VPS13D: variants seen among roughly 807,000 people sequenced by gnomAD.
The protein encoded by VPS13D is intermembrane lipid transfer protein VPS13D.
In VPS13D, 187 loss-of-function variants were observed where a neutral mutation model predicts 461.9. That is an observed-to-expected ratio of 0.40 (90% confidence interval 0.36 to 0.46). The LOEUF (loss-of-function observed/expected upper bound fraction) is 0.46, where lower values mean the gene tolerates loss of function less well. Ranked by LOEUF, VPS13D falls within the 20% of genes least tolerant of loss-of-function variation. The probability of loss-of-function intolerance (pLI) is 0.60; values close to 1 mark genes in which losing one functional copy is unlikely to be tolerated. For missense variants in VPS13D, 4,711 were observed against 5,364.9 expected, an observed-to-expected ratio of 0.88 and a Z score of 3.81; for synonymous variants, 1,951 against 1,986.3, an observed-to-expected ratio of 0.98 and a Z score of 0.47.
At position 12,271,451 on chromosome 1, in the gene VPS13D, T is replaced by C. The variant is rs561111496; in HGVS notation, c.2103+327T>C. On this transcript the variant is annotated intron_variant, in intron 17 of 69. Coordinates refer to ENST00000620676, the MANE Select transcript of VPS13D (RefSeq NM_015378.4). Reference sequence around the variant, plus strand: ...TGGGAGGCTGAGGTGGGCAGATCACTTGAGGTCAGGAGTTCGAGACCAGCC... The same window carrying C: ...TGGGAGGCTGAGGTGGGCAGATCACCTGAGGTCAGGAGTTCGAGACCAGCC... Among the ~76,000 whole-genome samples, 4 of 152,146 alleles carry C rather than the reference T, an allele frequency of 2.6e-5. No individual in the cohort carries two copies. In the East Asian group the frequency reaches 5.8e-4, roughly 22 times the overall value.
rs918325185 is a variant in VPS13D at position 12,279,836 on chromosome 1, C to G, written c.4602+186C>G. On this transcript the variant is annotated intron_variant, in intron 20 of 69. Coordinates refer to ENST00000620676, the MANE Select transcript of VPS13D (RefSeq NM_015378.4). This position sits in a 1 kb window ranked among gnomAD's most constrained non-coding sequence, Gnocchi z 4.3. The stretch of plus-strand genomic sequence containing the variant: ...AATCCTTTTGTCATGGGGAATCCGT[C>G]TTGTCAGCCTTTTTCATATGGAGGA... 3.3e-5 allele frequency among the ~76,000 whole-genome samples: 5 copies of G among 152,048 alleles called. No homozygotes were observed. Among genetic ancestry groups the G allele is most frequent in the Admixed American group, 6.6e-5 (1 of 15,264 alleles).
At chr1:12,338,712 A>G (rs1346335991) in intron 40 of VPS13D, among the ~76,000 whole-genome samples, 1 of 152,240 alleles carries the variant, frequency 6.6e-6, no homozygotes, top group African/African-American at 2.4e-5. Flanking sequence ...GCTCTGCAAC[A>G]GGCACTATAA....
chr1:12,383,277 C>G (rs932691541), intron 58 of VPS13D, 122 bp downstream of exon 58: 4 of 1,025,694 alleles, frequency 3.9e-6, no homozygotes, highest in Non-Finnish European at 5.4e-6. Flanking sequence ...GTATCTTCAT[C>G]TGTAAAATGG....
In VPS13D at chr1:12,494,599, A is replaced by G. The variant is rs75339698; in HGVS notation, c.12663-2901A>G. ...TTCCTCGGATCCACCAGAGGCATTT[A>G]GGACTTCAGCAAGTTTTCTCCTGCC... On this transcript the variant is annotated intron_variant, in intron 67 of 69. Transcript: ENST00000620676. Among the ~76,000 whole-genome samples, 944 of 152,292 alleles carry G rather than the reference A, an allele frequency of 6.2e-3. 10 individuals carry two copies. Among genetic ancestry groups the G allele is most frequent in the African/African-American group, 0.02 (845 of 41,552 alleles).
chr1:12,292,484 G>A (rs1184896900), intron 23 of VPS13D, among the ~76,000 whole-genome samples: 1 of 127,934 alleles, frequency 7.8e-6, no homozygotes, highest in African/African-American at 3.0e-5. Context: ...CTGTCACCCA[G>A]ACTGGAGTGC....
chr1:12,276,393 C>T lies in VPS13D; in HGVS notation c.2805C>T (p.Thr935=), dbSNP rs1641612710. Residue 935 remains threonine (T), a synonymous_variant, in exon 19 of 70, where the codon ACC becomes ACT. Transcript: ENST00000620676. The surrounding 1 kb of genome is among the most constrained non-coding windows in gnomAD (Gnocchi z 4.5). ...GSLQDSVMNL[T]QSIVLLEQHT... Reference sequence around the variant, plus strand: ...TGCAAGACTCCGTAATGAATTTAACCCAGAGCATTGTGTTGTTGGAGCAGC... The same window carrying T: ...TGCAAGACTCCGTAATGAATTTAACTCAGAGCATTGTGTTGTTGGAGCAGC... 1.9e-6 allele frequency: 3 copies of T among 1,614,146 alleles called. No homozygotes were observed. The South Asian group carries it at 3.3e-5, about 18-fold the overall frequency.
intron 34 of VPS13D, 151 bp from the exon 35 acceptor site, chr1:12,323,555 A>G: frequency 1.5e-6 from 1 of 672,200 alleles, no homozygotes; most frequent in Non-Finnish European, 2.5e-6. Flanking sequence ...TACACTTGAT[A>G]GAATTCTCCA....
Position 12,256,869 on chromosome 1 carries a change from A to G in VPS13D, c.841-118A>G, listed in dbSNP as rs1202624736. 4.6e-6 allele frequency: 5 copies of G among 1,082,738 alleles called. No homozygotes were observed. The African/African-American group carries it at 7.9e-5, about 17-fold the overall frequency. 67.1% of individuals were successfully genotyped at this position (1,082,738 alleles called of 1,614,324 possible). A position where few individuals can be genotyped will look rare whatever the true frequency, so the allele number is the denominator to read the frequency against. Reference sequence around the variant, plus strand: ...CTGATATTTTGGTCTTTCAGTTTGCACTGGGTTTCAATTCAGTGGATCAAC... The same window carrying G: ...CTGATATTTTGGTCTTTCAGTTTGCGCTGGGTTTCAATTCAGTGGATCAAC... On this transcript the variant is annotated intron_variant, in intron 8 of 69. Coordinates refer to ENST00000620676, the MANE Select transcript of VPS13D (RefSeq NM_015378.4).
At position 12,495,218 on chromosome 1, in the gene VPS13D, C is replaced by T. The variant is rs916381861; in HGVS notation, c.12663-2282C>T. On this transcript the variant is annotated intron_variant, in intron 67 of 69. Transcript: ENST00000620676. This position sits in a 1 kb window ranked among gnomAD's most constrained non-coding sequence, Gnocchi z 4.0. Reference sequence around the variant, plus strand: ...AGGCTGGAGTGCAGTGGCAGGATCTCGGCTCACTGCAAGCTCCGCCTCCCA... The same window carrying T: ...AGGCTGGAGTGCAGTGGCAGGATCTTGGCTCACTGCAAGCTCCGCCTCCCA... 2.0e-5 allele frequency among the ~76,000 whole-genome samples: 3 copies of T among 149,550 alleles called. No individual in the cohort carries two copies. The highest frequency in any genetic ancestry group is 7.5e-5 in the African/African-American group (3 of 40,258).
intron 20 of VPS13D, among the ~76,000 whole-genome samples, chr1:12,281,579 G>C (rs1451709971): frequency 6.6e-6 from 1 of 152,148 alleles, no homozygotes; most frequent in Admixed American, 6.5e-5. Flanking sequence ...GTAGACTTCA[G>C]GTAGGTGGTG....
chr1:12,333,463 T>G (rs1477893678), intron 38 of VPS13D, 97 bp downstream of exon 38: 1 of 1,441,720 alleles, frequency 6.9e-7, no homozygotes, highest in Non-Finnish European at 9.4e-7. Context: ...TACCTGGGCC[T>G]GTACCAGGCA....
intron 57 of VPS13D, among the ~76,000 whole-genome samples, chr1:12,381,697 C>T (rs1426681608): frequency 2.0e-5 from 3 of 152,190 alleles, no homozygotes; most frequent in Admixed American, 2.0e-4. Context: ...AGGCAGACGC[C>T]AACCTGTAAC....
At chr1:12,459,482 CTTT>C (rs869264869) in intron 66 of VPS13D, among the ~76,000 whole-genome samples, 5 of 131,328 alleles carry the variant, frequency 3.8e-5, no homozygotes, top group African/African-American at 5.6e-5. Context: ...CTTTTCTTTT[CTTT>C]TTTTTTTTTT....
intron 60 of VPS13D, among the ~76,000 whole-genome samples, chr1:12,396,516 G>T (rs1644501286): frequency 6.6e-6 from 1 of 152,100 alleles, no homozygotes; most frequent in Non-Finnish European, 1.5e-5. Flanking sequence ...CTTCATCAAA[G>T]TTTAAATATG....
chr1:12,390,480 G>C (rs766343392), intron 60 of VPS13D, among the ~76,000 whole-genome samples: 5 of 152,164 alleles, frequency 3.3e-5, no homozygotes, highest in Non-Finnish European at 5.9e-5. Flanking sequence ...GAGTGCCTTG[G>C]TCAGAGGCAA....
rs140773267 is a variant in VPS13D at position 12,322,719 on chromosome 1, A to G, written c.7888A>G (p.Thr2630Ala). 1.2e-6 allele frequency: 2 copies of G among 1,614,198 alleles called. No homozygotes were observed. The highest frequency in any genetic ancestry group is 1.1e-5 in the South Asian group (1 of 91,080). Reference protein sequence around the residue: ...SRVGEEIREGTRHTLDPVLEL... With the variant: ...SRVGEEIREGARHTLDPVLEL... ...CGTTGGAGAGGAAATCAGAGAAGGGACAAGACACACCTTAGATCCTGTCTT... is the reference window on the plus strand; with the variant it reads ...CGTTGGAGAGGAAATCAGAGAAGGGGCAAGACACACCTTAGATCCTGTCTT... The change falls in exon 34 of 70, where the codon ACA (threonine) becomes GCA (alanine). Residue 2630 changes from threonine to alanine, a missense_variant. Transcript: ENST00000620676.
rs1044983250 is a variant in VPS13D, at chr1:12,502,398, G to A, written c.12795-4455G>A. On this transcript the variant is annotated intron_variant, in intron 68 of 69. Transcript: ENST00000620676. The surrounding 1 kb of genome is among the most constrained non-coding windows in gnomAD (Gnocchi z 4.3). Reference sequence around the variant, plus strand: ...CCTTGCCTGTCTGGTTGATGAGGCTGGGGGTGCTGAAGAGCAAGGGTTGGA... The same window carrying A: ...CCTTGCCTGTCTGGTTGATGAGGCTAGGGGTGCTGAAGAGCAAGGGTTGGA... 6.6e-6 allele frequency among the ~76,000 whole-genome samples: 1 copy of A among 152,124 alleles called. No individual in the cohort carries two copies. The highest frequency in any genetic ancestry group is 1.5e-5 in the Non-Finnish European group (1 of 68,016).
intron 64 of VPS13D, among the ~76,000 whole-genome samples, chr1:12,415,779 C>T (rs1175400530): frequency 6.6e-6 from 1 of 152,112 alleles, no homozygotes. Context: ...TTCTCCATTC[C>T]CCGTTTCCTT....
rs372346751 is a variant in VPS13D, at chr1:12,256,652, C to A, written c.840+149C>A. On this transcript the variant is annotated intron_variant, in intron 8 of 69. Coordinates refer to ENST00000620676, the MANE Select transcript of VPS13D (RefSeq NM_015378.4). ...AAGTTGTGTTAGGTATAAAACTCAC[C>A]GTCTGTTACATAGTTAAATTGGGTT... 1.4e-5 allele frequency: 12 copies of A among 830,570 alleles called. No individual in the cohort carries two copies. The East Asian group carries it at 2.5e-4, about 17-fold the overall frequency. 51.5% of individuals were successfully genotyped at this position (830,570 alleles called of 1,614,324 possible).
Sources: gnomAD v4.1 joint callset for allele counts (sites outside exome capture counted in the v4.1 genomes callset) on GRCh38, gnomAD v4.1.1 for gene constraint, Gnocchi (gnomAD v3.1) non-coding constraint, MANE v1.5 for transcripts, NCBI Gene and HGNC (gene_info 2026-07-23, HGNC 2026-07-21) for gene names.